CCDC141: variants seen among roughly 807,000 people sequenced by gnomAD.
CCDC141 encodes coiled-coil domain containing 141, also known as coiled-coil domain-containing protein 141.
CCDC141 carries 168 observed loss-of-function variants against 181.0 expected under a neutral mutation model. That is an observed-to-expected ratio of 0.93 (90% CI 0.82 to 1.05). CCDC141 has a LOEUF of 1.05. CCDC141 is among the 50% of genes least tolerant of loss of function. The pLI is 0.00. For missense variants in CCDC141, 1,902 were observed against 1,788.5 expected (o/e 1.06, Z -1.14); for synonymous variants, 666 against 642.3 (o/e 1.04, Z -0.56).
At chr2:178,840,652 C>T (rs774923147) in intron 22 of CCDC141, among the ~76,000 whole-genome samples, 17 of 152,082 alleles carry the variant, frequency 1.1e-4, no homozygotes, top group Non-Finnish European at 2.2e-4. Context: ...AGATGGGCAC[C>T]CAAGTGGACT....
intron 2 of CCDC141, among the ~76,000 whole-genome samples, chr2:178,987,688 C>T (rs55887702): frequency 6.7e-6 from 1 of 149,998 alleles, no homozygotes; most frequent in Non-Finnish European, 1.5e-5. Flanking sequence ...CAAAAGAAGA[C>T]ATTTATGCAG....
chr2:178,878,445 C>A (rs1686450008), intron 11 of CCDC141, among the ~76,000 whole-genome samples: 1 of 150,074 alleles, frequency 6.7e-6, no homozygotes, highest in Non-Finnish European at 1.5e-5. Context: ...CTAAAAACTG[C>A]AGACTATAGG....
intron 2 of CCDC141, among the ~76,000 whole-genome samples, chr2:178,979,923 T>C (rs563649023): frequency 1.3e-5 from 2 of 152,152 alleles, no homozygotes; most frequent in South Asian, 4.1e-4. Context: ...GCTAACCTTA[T>C]GCTCAGATAA....
chr2:178,940,646 A>G (rs1689471499), intron 6 of CCDC141, among the ~76,000 whole-genome samples: 3 of 152,204 alleles, frequency 2.0e-5, no homozygotes, highest in Admixed American at 2.0e-4. Context: ...GTGATTATCT[A>G]AAGTCACAAG....
At chr2:178,839,062 T>A (rs1011697099) in intron 22 of CCDC141, among the ~76,000 whole-genome samples, 1 of 152,180 alleles carries the variant, frequency 6.6e-6, no homozygotes, top group African/African-American at 2.4e-5. Context: ...TGCCTTGCCT[T>A]TGAGTTTTTC....
At chr2:178,889,370 A>G (rs1417282962) in intron 8 of CCDC141, among the ~76,000 whole-genome samples, 1 of 152,154 alleles carries the variant, frequency 6.6e-6, no homozygotes, top group Non-Finnish European at 1.5e-5. Context: ...ATATCTTAAC[A>G]AGTTTCCTCA....
chr2:179,038,623 G>T lies in CCDC141; in HGVS notation c.225+8661C>A, dbSNP rs10206199. The stretch of plus-strand genomic sequence containing the variant: ...TATCTCTTATTTAAGGTAAGTTTTT[G>T]TAAGACTTTTAGTTTTACTACTAAT... On this transcript the variant is annotated intron_variant, in intron 2 of 23. Transcript: ENST00000443758. Among the ~76,000 whole-genome samples, 84 of 152,206 alleles carry T rather than the reference G, an allele frequency of 5.5e-4. 1 individual carries two copies. The highest frequency in any genetic ancestry group is 4.0e-3 in the East Asian group (21 of 5,190).
At chr2:178,988,819 G>A (rs1481157289) in intron 2 of CCDC141, among the ~76,000 whole-genome samples, 1 of 152,084 alleles carries the variant, frequency 6.6e-6, no homozygotes, top group Admixed American at 6.5e-5. Context: ...TAGGGTAATG[G>A]CCTAGAATTG....
the CCDC141 span, among the ~76,000 whole-genome samples, chr2:178,819,070 C>T: frequency 6.6e-6 from 1 of 152,044 alleles, no homozygotes; most frequent in Non-Finnish European, 1.5e-5. Flanking sequence ...GTAAGAGTTT[C>T]CAAAGTAAAA....
rs1684303254 is a variant in CCDC141 at position 178,832,584 on chromosome 2, TTAA to T, written c.*1586_*1588del. 1 of 152,058 alleles carries T rather than the reference TTAA, an allele frequency of 6.6e-6. No individual in the cohort carries two copies. The highest frequency in any genetic ancestry group is 2.1e-4 in the South Asian group (1 of 4,830). 9.4% of individuals were successfully genotyped at this position (152,058 alleles called of 1,614,324 possible). On this transcript the variant is annotated 3_prime_UTR_variant, in exon 24 of 24. Transcript: ENST00000443758. Reference sequence around the variant, plus strand: ...TCAAAATTTAGAAGGAAACTGAGATTTAATTTTTTAATTAAATTGGATATGCAG... The same window carrying T: ...TCAAAATTTAGAAGGAAACTGAGATTTTTTTTAATTAAATTGGATATGCAG...
In CCDC141 at chr2:178,834,107, G is replaced by T. The variant is rs2154365477; in HGVS notation, c.*66C>A. The T allele has an allele frequency of 6.8e-7, 1 of 1,469,142 alleles. No homozygotes were observed. The highest frequency in any genetic ancestry group is 2.5e-5 in the East Asian group (1 of 40,336). 91.0% of individuals were successfully genotyped at this position (1,469,142 alleles called of 1,614,324 possible). On this transcript the variant is annotated 3_prime_UTR_variant, in exon 24 of 24. Transcript: ENST00000443758. ...GGGAGATGCTTTGCAGGAGGTGCAGGAAGATAAACGGCGGCACTTTTCTTT... is the reference window on the plus strand; with the variant it reads ...GGGAGATGCTTTGCAGGAGGTGCAGTAAGATAAACGGCGGCACTTTTCTTT...
At chr2:179,046,999 G>A (rs1652323680) in intron 2 of CCDC141, among the ~76,000 whole-genome samples, 1 of 152,050 alleles carries the variant, frequency 6.6e-6, no homozygotes, top group African/African-American at 2.4e-5. Flanking sequence ...AAAAATGATG[G>A]AGTTTTTTTC....
chr2:178,906,885 G>T (rs140628064), intron 7 of CCDC141, among the ~76,000 whole-genome samples: 1 of 152,268 alleles, frequency 6.6e-6, no homozygotes, highest in Non-Finnish European at 1.5e-5. Context: ...TCATGCCCCT[G>T]TGCCTGCTGC....
chr2:178,898,838 G>A (rs1687539339), intron 8 of CCDC141, among the ~76,000 whole-genome samples: 1 of 152,026 alleles, frequency 6.6e-6, no homozygotes, highest in South Asian at 2.1e-4. Context: ...AGATCAAAGG[G>A]CCTCTGAAAT....
rs1684358991 is a variant in CCDC141 at position 178,833,817 on chromosome 2, C to G, written c.*356G>C. On this transcript the variant is annotated 3_prime_UTR_variant, in exon 24 of 24. Coordinates refer to ENST00000443758, the MANE Select transcript of CCDC141 (RefSeq NM_173648.4). ...CAATTAAAAATATATTATTGAACAA[C>G]CATATTTGAAATTTAGCACATTTCT... 5.5e-6 allele frequency: 1 copy of G among 182,546 alleles called. No homozygotes were observed. The highest frequency in any genetic ancestry group is 1.2e-5 in the Non-Finnish European group (1 of 86,322). The allele number at this position is 182,546 out of a possible 1,614,324, so 11.3% of individuals were successfully genotyped here. A position where few individuals can be genotyped will look rare whatever the true frequency, so the allele number is the denominator to read the frequency against.
intron 17 of CCDC141, among the ~76,000 whole-genome samples, chr2:178,862,909 G>A (rs1460770675): frequency 6.6e-5 from 10 of 152,104 alleles, no homozygotes; most frequent in Non-Finnish European, 1.5e-5. Flanking sequence ...GTTAGCTACA[G>A]CACAGTCAAG....
In CCDC141 at chr2:178,935,050, G is replaced by A. The variant is rs145610332; in HGVS notation, c.897+9485C>T. ...AAAACTATTTGGAAGTTTACACTAT[G>A]GATGGGAAAGGAAACAAAACAATAT... On this transcript the variant is annotated intron_variant, in intron 6 of 23. Transcript: ENST00000443758. Among the ~76,000 whole-genome samples, 271 of 152,260 alleles carry A rather than the reference G, an allele frequency of 1.8e-3. 5 individuals are homozygous for A. In the South Asian group the frequency reaches 0.023, roughly 13 times the overall value.
At chr2:179,047,097 T>A (rs2043521898) in intron 2 of CCDC141, among the ~76,000 whole-genome samples, 187 bp downstream of exon 2, 1 of 152,216 alleles carries the variant, frequency 6.6e-6, no homozygotes, top group African/African-American at 2.4e-5. Context: ...TTAGGGAAAA[T>A]TTTTAAAAAT....
intron 14 of CCDC141, among the ~76,000 whole-genome samples, chr2:178,869,586 C>T (rs1176242846): frequency 3.1e-4 from 47 of 152,046 alleles, no homozygotes; most frequent in Admixed American, 3.1e-3. Flanking sequence ...TATGGCATAC[C>T]AAATATTCTA....
Sources: allele counts gnomAD v4.1 joint callset (sites outside exome capture counted in the v4.1 genomes callset), GRCh38; gene constraint gnomAD v4.1.1; transcripts MANE v1.5; gene names NCBI Gene and HGNC (gene_info 2026-07-23, HGNC 2026-07-21).